The following HK3 variants were observed in gnomAD, a reference collection of about 807,000 sequenced individuals.
The protein encoded by HK3 is hexokinase-3.
A neutral mutation model predicts 91.0 loss-of-function variants in HK3; 93 were observed. The observed-to-expected ratio is 1.02, with a 90% CI of 0.86 to 1.21. The LOEUF (loss-of-function observed/expected upper bound fraction) is 1.21, where lower values mean the gene tolerates loss of function less well. Among genes scored for constraint, HK3 ranks in the 50% most tolerant of loss-of-function variants. HK3 has a pLI of 0.00. For missense variants in HK3, 1,235 were observed against 1,247.4 expected, an observed-to-expected ratio of 0.99 and a Z score of 0.15; for synonymous variants, 519 against 516.9, an observed-to-expected ratio of 1.00 and a Z score of -0.06.
Position 176,882,114 on chromosome 5 carries a change from A to AG in HK3, c.2066_2067insC (p.Ala690CysfsTer43). 1 of 1,613,018 alleles carries AG rather than the reference A, an allele frequency of 6.2e-7. No individual in the cohort carries two copies. The highest frequency in any genetic ancestry group is 8.5e-7 in the Non-Finnish European group (1 of 1,180,006). On this transcript the variant is annotated frameshift_variant, in exon 16 of 19. Transcript: ENST00000292432. LOFTEE classifies it high-confidence loss of function. Reference sequence around the variant, plus strand: ...TCCGGAGCTCCTCCATGTAGCAGGCATTGGTGCCGGTTCCTGCAGAGAGGC... The same window carrying AG: ...TCCGGAGCTCCTCCATGTAGCAGGCAGTTGGTGCCGGTTCCTGCAGAGAGGC...
At chr5:176,894,702 A>G (rs1422461490) in intron 2 of HK3, among the ~76,000 whole-genome samples, 1 of 152,196 alleles carries the variant, frequency 6.6e-6, no homozygotes, top group Non-Finnish European at 1.5e-5. Context: ...TGGATGTCAG[A>G]ATATGCCAGA....
In HK3 at chr5:176,891,631, T is replaced by C. The variant is rs1288139557; in HGVS notation, c.97-81A>G. 7.0e-6 allele frequency: 10 copies of C among 1,422,892 alleles called. No homozygotes were observed. In the East Asian group the frequency reaches 2.3e-4, roughly 33 times the overall value. The allele number at this position is 1,422,892 out of a possible 1,614,324, so 88.1% of individuals were successfully genotyped here. On this transcript the variant is annotated intron_variant, in intron 2 of 18. Transcript: ENST00000292432. ...CCCACCTCCAAACAAGGCAGAGGCC[T>C]GCCCTGCCCAGCCCACTCCTCGGCT...
Position 176,888,785 on chromosome 5 carries a change from G to A in HK3, c.994C>T (p.Leu332Phe), listed in dbSNP as rs776210358. 1.2e-6 allele frequency: 2 copies of A among 1,614,180 alleles called. No individual in the cohort carries two copies. The highest frequency in any genetic ancestry group is 1.7e-5 in the Admixed American group (1 of 60,022). Reference sequence around the variant, plus strand: ...GCAGGGGAGGTGCAGCCACCAAAGAGGACCCCACACCGGGCCAAGTGAGCC... The same window carrying A: ...GCAGGGGAGGTGCAGCCACCAAAGAAGACCCCACACCGGGCCAAGTGAGCC... ...VLAHLARCGV[L>F]FGGCTSPALL... The change falls in exon 9 of 19, where the codon CTC (leucine) becomes TTC (phenylalanine). Residue 332 changes from leucine to phenylalanine, a missense_variant. Transcript: ENST00000292432.
intron 2 of HK3, among the ~76,000 whole-genome samples, chr5:176,895,566 C>T (rs1023166082): frequency 3.9e-5 from 6 of 152,206 alleles, no homozygotes; most frequent in African/African-American, 1.4e-4. Context: ...AGAAGAAACT[C>T]ACTTCTGAGC....
chr5:176,884,798 G>A lies in HK3; in HGVS notation c.1858-664C>T, dbSNP rs1015154160. ...CGTCCTCTGAGGGAGGGGGCAGGGG[G>A]AGCAGGAATTAGTCTACAGCTGTTG... is the stretch of plus-strand genomic sequence containing the variant. On this transcript the variant is annotated intron_variant, in intron 13 of 18. Transcript: ENST00000292432. The surrounding 1 kb of genome is among the most constrained non-coding windows in gnomAD (Gnocchi z 4.1). Among the ~76,000 whole-genome samples, 8 of 152,172 alleles carry A rather than the reference G, an allele frequency of 5.3e-5. No homozygotes were observed. The highest frequency in any genetic ancestry group is 1.9e-4 in the African/African-American group (8 of 41,452).
In HK3 at chr5:176,887,463, G is replaced by A; in HGVS notation, c.1588C>T (p.Pro530Ser). 6.2e-7 allele frequency: 1 copy of A among 1,612,522 alleles called. No homozygotes were observed. The highest frequency in any genetic ancestry group is 1.3e-5 in the African/African-American group (1 of 75,000). Residue 530 changes from proline (P) to serine (S), a missense_variant, in exon 11 of 19, where the codon CCT becomes TCT. Pro to Ser is a moderately conservative substitution (Grantham distance 74). Coordinates refer to ENST00000292432, the MANE Select transcript of HK3 (RefSeq NM_002115.3). This position sits in a 1 kb window ranked among gnomAD's most constrained non-coding sequence, Gnocchi z 4.9. Reference protein sequence around the residue: ...RMLPTFVRATPDGSERGDFLA... With the variant: ...RMLPTFVRATSDGSERGDFLA... The stretch of plus-strand genomic sequence containing the variant: ...GCCAGGTCCTTACCGCTGCCGTCAG[G>A]GGTGGCCCGGACGAAAGTGGGCAGC...
Position 176,887,051 on chromosome 5 carries a change from G to C in HK3, c.1808C>G (p.Pro603Arg). 6.2e-7 allele frequency: 1 copy of C among 1,614,140 alleles called. No homozygotes were observed. The highest frequency in any genetic ancestry group is 8.5e-7 in the Non-Finnish European group (1 of 1,180,024). Reference sequence around the variant, plus strand: ...TGGGAAGGAGAAGGTAAAACCCAGTGGGAGGCTCTGCCCGCTCAGGCCCTG... The same window carrying C: ...TGGGAAGGAGAAGGTAAAACCCAGTCGGAGGCTCTGCCCGCTCAGGCCCTG... ...QKQGLSGQSL[P>R]LGFTFSFPCR... The change falls in exon 13 of 19, where the codon CCA becomes CGA. Residue 603 changes from proline to arginine, a missense_variant. Transcript: ENST00000292432. The surrounding 1 kb of genome is among the most constrained non-coding windows in gnomAD (Gnocchi z 4.9).
At position 176,892,974 on chromosome 5, in the gene HK3, C is replaced by A. The variant is rs117242247; in HGVS notation, c.97-1424G>T. On this transcript the variant is annotated intron_variant, in intron 2 of 18. Transcript: ENST00000292432. Reference sequence around the variant, plus strand: ...GTGCCCATGCCCACTCTATCTCACCCTGACCAGGCCTATCTGGTGACAAGG... The same window carrying A: ...GTGCCCATGCCCACTCTATCTCACCATGACCAGGCCTATCTGGTGACAAGG... 8.5e-5 allele frequency among the ~76,000 whole-genome samples: 13 copies of A among 152,338 alleles called. No individual in the cohort carries two copies. The East Asian group carries it at 2.5e-3, about 29-fold the overall frequency.
rs893757944 is a variant in HK3 at position 176,884,489 on chromosome 5, G to A, written c.1858-355C>T. Among the ~76,000 whole-genome samples the A allele has an allele frequency of 1.3e-5, 2 of 152,244 alleles. No homozygotes were observed. The highest frequency in any genetic ancestry group is 4.8e-5 in the African/African-American group (2 of 41,462). On this transcript the variant is annotated intron_variant, in intron 13 of 18. Transcript: ENST00000292432. This position sits in a 1 kb window ranked among gnomAD's most constrained non-coding sequence, Gnocchi z 4.1. ...AGTGAGTGCTGTGTGTGAGACAGGG[G>A]AGGACAGAGAAGGCTCAGAGGCCCA...
At chr5:176,888,947 G>T in intron 8 of HK3, 83 bp from the exon 9 acceptor site, 1 of 1,476,912 alleles carries the variant, frequency 6.8e-7, no homozygotes. Flanking sequence ...TCCCAAAGAA[G>T]GATTCTTTTC....
chr5:176,888,261 G>T, intron 10 of HK3, 71 bp downstream of exon 10: 1 of 1,309,072 alleles, frequency 7.6e-7, no homozygotes, highest in Non-Finnish European at 1.1e-6. Context: ...TGATCCCAGA[G>T]GGCCCTCTGG....
chr5:176,887,705 G>A lies in HK3; in HGVS notation c.1346C>T (p.Pro449Leu), dbSNP rs371743821. 5.0e-5 allele frequency: 81 copies of A among 1,612,836 alleles called. 1 individual carries two copies. Among genetic ancestry groups the A allele is most frequent in the East Asian group, 3.3e-4 (15 of 44,850 alleles). Residue 449 changes from proline to leucine, a missense_variant, in exon 11 of 19, where the codon CCG (proline) becomes CTG (leucine). By Grantham distance (98) the Pro-to-Leu change is moderately conservative. This residue lies in a region of HK3 where 717 missense variants were observed against 751.6 expected (regional missense o/e 0.95). Coordinates refer to ENST00000292432, the MANE Select transcript of HK3 (RefSeq NM_002115.3). This position sits in a 1 kb window ranked among gnomAD's most constrained non-coding sequence, Gnocchi z 4.9. ...VLQGTVMLLA[P>L]ECDVSLIPSV... ...GGGGATTAAGGAGACATCGCATTCC[G>A]GGGCCAGGAGCATCACTGTCCCCTG... is the stretch of plus-strand genomic sequence containing the variant.
chr5:176,889,394 G>A lies in HK3; in HGVS notation c.901C>T (p.Pro301Ser), dbSNP rs73341831. The change falls in exon 8 of 19, where the codon CCT becomes TCT. Residue 301 changes from proline to serine, a missense_variant. Around this residue, in one of 3 missense-constraint regions of HK3, gnomAD observed 717 missense variants for 751.6 expected, o/e 0.95. Transcript: ENST00000292432. Reference sequence around the variant, plus strand: ...CTGCCAGGTCACCTCTGAGCACCAGGATTCAGGGACTCATGGTCCAGGGTA... The same window carrying A: ...CTGCCAGGTCACCTCTGAGCACCAGAATTCAGGGACTCATGGTCCAGGGTA... ...DHTLDHESLNPGAQRFEKMIG... is the reference protein window; with the variant it reads ...DHTLDHESLNSGAQRFEKMIG... 806 of 1,614,016 alleles carry A rather than the reference G, an allele frequency of 5.0e-4. 5 individuals are homozygous for A. The African/African-American group carries it at 9.3e-3, about 19-fold the overall frequency.
chr5:176,881,987 C>A lies in HK3; in HGVS notation c.2194G>T (p.Asp732Tyr), dbSNP rs753958617. Reference sequence around the variant, plus strand: ...ATGGACGCCTGGTCCACACTTGCATCAAAGCGGGTGCTGAGCATGGCCAGA... The same window carrying A: ...ATGGACGCCTGGTCCACACTTGCATAAAAGCGGGTGCTGAGCATGGCCAGA... The part of the protein sequence containing the change: ...GSLAMLSTRF[D>Y]ASVDQASINP... Residue 732 changes from aspartate (D) to tyrosine (Y), a missense_variant, in exon 16 of 19, where the codon GAT becomes TAT. This residue lies in a region of HK3 where 513 missense variants were observed against 477.4 expected (regional missense o/e 1.07). Coordinates refer to ENST00000292432, the MANE Select transcript of HK3 (RefSeq NM_002115.3). 5.6e-6 allele frequency: 9 copies of A among 1,613,472 alleles called. No individual in the cohort carries two copies. The highest frequency in any genetic ancestry group is 1.6e-4 in the Middle Eastern group (1 of 6,084).
Position 176,890,833 on chromosome 5 carries a change from C to A in HK3, c.523G>T (p.Gly175Cys). The A allele has an allele frequency of 1.2e-6, 2 of 1,614,194 alleles. No individual in the cohort carries two copies. The highest frequency in any genetic ancestry group is 1.7e-6 in the Non-Finnish European group (2 of 1,180,044). ...CCACTCCACCTCACCCTGTCCAAGC[C>A]CGTCTGGTGACAAGGGAAAGAGAAG... Reference protein sequence around the residue: ...FSFSFPCHQTGLDRSTLISWT... With the variant: ...FSFSFPCHQTCLDRSTLISWT... The change falls in exon 5 of 19, where the codon GGC (glycine) becomes TGC (cysteine). Residue 175 changes from glycine (G) to cysteine (C), a missense_variant. By Grantham distance (159) the Gly-to-Cys change is radical. Coordinates refer to ENST00000292432, the MANE Select transcript of HK3 (RefSeq NM_002115.3).
chr5:176,890,508 A>G, intron 6 of HK3, 127 bp downstream of exon 6: 1 of 777,764 alleles, frequency 1.3e-6, no homozygotes, highest in Non-Finnish European at 2.2e-6. Context: ...AACTGGATGG[A>G]GGTTAAACTG....
rs1203707029 is a variant in HK3 at position 176,887,830 on chromosome 5, G to T, written c.1305-84C>A. 13 of 1,433,960 alleles carry T rather than the reference G, an allele frequency of 9.1e-6. No homozygotes were observed. The Admixed American group carries it at 1.8e-4, about 20-fold the overall frequency. The allele number at this position is 1,433,960 out of a possible 1,614,324, so 88.8% of individuals were successfully genotyped here. A position where few individuals can be genotyped will look rare whatever the true frequency, so the allele number is the denominator to read the frequency against. ...TGCACGGCTTGGCCCTGGACCCCCAGATACATACAGGTGTGCCCAGCTTGG... is the reference window on the plus strand; with the variant it reads ...TGCACGGCTTGGCCCTGGACCCCCATATACATACAGGTGTGCCCAGCTTGG... On this transcript the variant is annotated intron_variant, in intron 10 of 18. Transcript: ENST00000292432. The surrounding 1 kb of genome is among the most constrained non-coding windows in gnomAD (Gnocchi z 4.9).
At position 176,891,183 on chromosome 5, in the gene HK3, C is replaced by T. The variant is rs373833147; in HGVS notation, c.268G>A (p.Asp90Asn). The T allele has an allele frequency of 3.1e-6, 5 of 1,614,040 alleles. No homozygotes were observed. Among genetic ancestry groups the T allele is most frequent in the Non-Finnish European group, 4.2e-6 (5 of 1,180,048 alleles). Residue 90 changes from aspartate (D) to asparagine (N), a missense_variant, in exon 4 of 19, where the codon GAC becomes AAC. Asp to Asn is a conservative substitution (Grantham distance 23). This residue lies in a region of HK3 where 717 missense variants were observed against 751.6 expected (regional missense o/e 0.95). Transcript: ENST00000292432. ...GCCCCCAGCTCCAGCACCACGAAGT[C>T]TCCTTGCTCTGGAGGGCAAGCAGGT... ...GSTPHGTEQG[D>N]FVVLELGATG...
Position 176,895,076 on chromosome 5 carries a change from CTTTTTTT to C in HK3, c.96+981_96+987del, listed in dbSNP as rs35622796. Among the ~76,000 whole-genome samples, 780 of 113,728 alleles carry C rather than the reference CTTTTTTT, an allele frequency of 6.9e-3. 6 individuals carry two copies. Among genetic ancestry groups the C allele is most frequent in the Non-Finnish European group, 0.01 (573 of 57,230 alleles). 74.6% of individuals were successfully genotyped at this position (113,728 alleles called of 152,430 possible). ...ACAGGCCTGAGCCACTGCGCCCGGACTTTTTTTTTTTTTTTTTTTGAGATGGAGTTTT... is the reference window on the plus strand; with the variant it reads ...ACAGGCCTGAGCCACTGCGCCCGGACTTTTTTTTTTTTGAGATGGAGTTTT... On this transcript the variant is annotated intron_variant, in intron 2 of 18. Transcript: ENST00000292432.
Sources: gnomAD v4.1 joint callset for allele counts (sites outside exome capture counted in the v4.1 genomes callset) on GRCh38, gnomAD v4.1.1 for gene constraint, gnomAD v4.1.1 regional missense constraint, Gnocchi (gnomAD v3.1) non-coding constraint, MANE v1.5 for transcripts, NCBI Gene and HGNC (gene_info 2026-07-23, HGNC 2026-07-21) for gene names.